BAZ1B: variants seen among roughly 807,000 people sequenced by gnomAD.
BAZ1B encodes tyrosine-protein kinase BAZ1B.
Under a neutral mutation model 153.8 loss-of-function variants are expected in BAZ1B, and 22 were observed. That is an observed-to-expected ratio of 0.14 (90% confidence interval 0.10 to 0.20). The LOEUF (loss-of-function observed/expected upper bound fraction) is 0.20. BAZ1B is among the 10% of genes least tolerant of loss of function. The pLI is 1.00. For missense variants in BAZ1B, 1,325 were observed against 1,799.3 expected (o/e 0.74, Z 4.77); for synonymous variants, 676 against 633.4 (o/e 1.07, Z -1.01).
At chr7:73,487,062 A>G (rs1554574577) in intron 6 of BAZ1B, among the ~76,000 whole-genome samples, 5 of 152,334 alleles carry the variant, frequency 3.3e-5, no homozygotes, top group South Asian at 4.1e-4. Flanking sequence ...AGTATTTTAC[A>G]TGAGTCTTAA....
At chr7:73,461,753 G>T (rs1488639416) in intron 12 of BAZ1B, among the ~76,000 whole-genome samples, 2 of 152,150 alleles carry the variant, frequency 1.3e-5, no homozygotes, top group Non-Finnish European at 2.9e-5. Context: ...ATGGCATGGG[G>T]GAATGCAAAT....
At chr7:73,518,291 T>C (rs1487737954) in intron 1 of BAZ1B, among the ~76,000 whole-genome samples, 2 of 150,234 alleles carry the variant, frequency 1.3e-5, no homozygotes, top group East Asian at 1.9e-4. Context: ...CGGGCGCCTG[T>C]AGTCCCAGCT....
chr7:73,447,706 A>C (rs553256867), intron 15 of BAZ1B, among the ~76,000 whole-genome samples: 5 of 152,318 alleles, frequency 3.3e-5, no homozygotes, highest in African/African-American at 1.2e-4. Flanking sequence ...TTTGTCTCAC[A>C]AAAAGAGCCA....
In BAZ1B at chr7:73,476,962, T is replaced by C; in HGVS notation, c.2499A>G (p.Thr833=). ...CAGCACTAATCATGTCTTCAGCTTC[T>C]GTATCTACTTGGGGCTCAAACTTCA... ...EIVKFEPQVD[T]EAEDMISAVK... The change falls in exon 7 of 20, where the codon ACA becomes ACG. Residue 833 remains threonine (T), a synonymous_variant. Coordinates refer to ENST00000339594, the MANE Select transcript of BAZ1B (RefSeq NM_032408.4). The C allele has an allele frequency of 2.5e-6, 4 of 1,614,242 alleles. No homozygotes were observed. The highest frequency in any genetic ancestry group is 3.4e-6 in the Non-Finnish European group (4 of 1,180,052).
rs71517390 is a variant in BAZ1B at position 73,516,772 on chromosome 7, CAAAAAAAAAAAAAAA to C, written c.107+5040_107+5054del. On this transcript the variant is annotated intron_variant, in intron 1 of 19. Transcript: ENST00000339594. ...CCTGGGCGACAGACTGTGACTGTCT[CAAAAAAAAAAAAAAA>C]AAAAAAAAAAAACAACTGTAAAAGA... is the stretch of plus-strand genomic sequence containing the variant. Among the ~76,000 whole-genome samples the C allele has an allele frequency of 1.9e-4, 10 of 53,468 alleles. 1 individual carries two copies. In the South Asian group the frequency reaches 7.8e-3, roughly 42 times the overall value. 35.1% of individuals were successfully genotyped at this position (53,468 alleles called of 152,430 possible). A position where few individuals can be genotyped will look rare whatever the true frequency, so the allele number is the denominator to read the frequency against.
intron 5 of BAZ1B, among the ~76,000 whole-genome samples, chr7:73,491,560 T>C (rs1451927450): frequency 7.9e-5 from 12 of 151,556 alleles, no homozygotes; most frequent in African/African-American, 1.9e-4. Flanking sequence ...GATTGCGCCA[T>C]TGCACTCCAG....
At chr7:73,495,594 A>AT (rs1789843707) in intron 4 of BAZ1B, among the ~76,000 whole-genome samples, 1 of 152,206 alleles carries the variant, frequency 6.6e-6, no homozygotes, top group South Asian at 2.1e-4. Flanking sequence ...AATGTAACAG[A>AT]TACAGCACTA....
At position 73,444,014 on chromosome 7, in the gene BAZ1B, T is replaced by A; in HGVS notation, c.3960A>T (p.Pro1320=). 1 of 1,613,758 alleles carries A rather than the reference T, an allele frequency of 6.2e-7. No homozygotes were observed. Residue 1320 remains proline, a synonymous_variant, in exon 17 of 20, where the codon CCA becomes CCT. Transcript: ENST00000339594. ...CATCCACCTCAGCATCATCCACAGG[T>A]GGTGCCTTGGGCTGAGACCTCCTGG... ...HSTRRSQPKA[P]PVDDAEVDEL...
At chr7:73,471,421 C>T (rs1788799383) in intron 7 of BAZ1B, among the ~76,000 whole-genome samples, 1 of 152,102 alleles carries the variant, frequency 6.6e-6, no homozygotes, top group African/African-American at 2.4e-5. Context: ...CAAAAGCAGC[C>T]CGCTAATTTT....
chr7:73,442,136 T>TACCAAACC, intron 19 of BAZ1B, 45 bp downstream of exon 19: 1 of 573,492 alleles, frequency 1.7e-6, no homozygotes, highest in Non-Finnish European at 3.2e-6. Context: ...CTCGCTCGCC[T>TACCAAACC]CCCTCCCACC....
chr7:73,471,915 A>T (rs1214574741), intron 7 of BAZ1B, among the ~76,000 whole-genome samples: 1 of 152,020 alleles, frequency 6.6e-6, no homozygotes, highest in African/African-American at 2.4e-5. Context: ...GCCCAATTAC[A>T]ATCAAGGAAA....
intron 19 of BAZ1B, 23 bp downstream of exon 19, chr7:73,442,142 CCACCCTCCCTAGCTGT>C: frequency 2.3e-6 from 1 of 438,376 alleles, no homozygotes; most frequent in Non-Finnish European, 4.5e-6. Flanking sequence ...CGCCTCCCTC[CCACCCTCCCTAGCTGT>C]CCCCCCACCT....
rs17145714 is a variant in BAZ1B at position 73,505,938 on chromosome 7, G to A, written c.369+2389C>T. ...CAATTTCGCTACATAACGGCTGAAA[G>A]CACTCATAACTAGTATGTATCAACC... On this transcript the variant is annotated intron_variant, in intron 3 of 19. Coordinates refer to ENST00000339594, the MANE Select transcript of BAZ1B (RefSeq NM_032408.4). 4.9e-4 allele frequency among the ~76,000 whole-genome samples: 75 copies of A among 152,310 alleles called. 2 individuals carry two copies. The East Asian group carries it at 0.014, about 29-fold the overall frequency.
intron 15 of BAZ1B, 76 bp downstream of exon 15, chr7:73,449,466 T>C (rs1243900767): frequency 4.1e-6 from 6 of 1,476,686 alleles, no homozygotes; most frequent in Non-Finnish European, 5.4e-6. Context: ...TTCATTCTGT[T>C]TGAATAACTC....
At chr7:73,451,283 G>C (rs1788019518) in intron 13 of BAZ1B, among the ~76,000 whole-genome samples, 1 of 152,160 alleles carries the variant, frequency 6.6e-6, no homozygotes, top group Non-Finnish European at 1.5e-5. Context: ...TGCTGTAAAT[G>C]CTATAATGCA....
chr7:73,477,833 C>T lies in BAZ1B; in HGVS notation c.1628G>A (p.Arg543Gln). 1 of 1,613,814 alleles carries T rather than the reference C, an allele frequency of 6.2e-7. No homozygotes were observed. The highest frequency in any genetic ancestry group is 8.5e-7 in the Non-Finnish European group (1 of 1,179,976). The change falls in exon 7 of 20, where the codon CGG becomes CAG. Residue 543 changes from arginine (R) to glutamine (Q), a missense_variant. Physicochemically the swap from Arg to Gln is conservative, Grantham distance 43 (BLOSUM62 1). Coordinates refer to ENST00000339594, the MANE Select transcript of BAZ1B (RefSeq NM_032408.4). This position sits in a 1 kb window ranked among gnomAD's most constrained non-coding sequence, Gnocchi z 5.6. ...CCGTTTCTTTTTCAAATATTCTTTCCGTTGTTCTTCAGACATAGAAGCCCA... is the reference window on the plus strand; with the variant it reads ...CCGTTTCTTTTTCAAATATTCTTTCTGTTGTTCTTCAGACATAGAAGCCCA... Reference protein sequence around the residue: ...KRWASMSEEQRKEYLKKKREE... With the variant: ...KRWASMSEEQQKEYLKKKREE...
chr7:73,492,806 T>G lies in BAZ1B; in HGVS notation c.687A>C (p.Glu229Asp). ...PHKYDVKLQN[E>D]DKIISNVPAD... ...AAGTAAAGTGTCAACTAACCTTATC[T>G]TCATTTTGTAGTTTCACATCATATT... The change falls in exon 5 of 20, where the codon GAA (glutamate) becomes GAC (aspartate). Residue 229 changes from glutamate (E) to aspartate (D), a missense_variant. Coordinates refer to ENST00000339594, the MANE Select transcript of BAZ1B (RefSeq NM_032408.4). 6.2e-7 allele frequency: 1 copy of G among 1,603,330 alleles called. No individual in the cohort carries two copies. Among genetic ancestry groups the G allele is most frequent in the Non-Finnish European group, 8.5e-7 (1 of 1,176,618 alleles).
At chr7:73,508,573 C>G (rs1482507689) in intron 2 of BAZ1B, 102 bp from the exon 3 acceptor site, 1 of 1,335,366 alleles carries the variant, frequency 7.5e-7, no homozygotes, top group Non-Finnish European at 1.0e-6. Flanking sequence ...CCAAACATTT[C>G]AAACATTTAT....
chr7:73,445,091 C>CTCA (rs1490903000), intron 16 of BAZ1B, among the ~76,000 whole-genome samples: 3 of 152,100 alleles, frequency 2.0e-5, no homozygotes, highest in African/African-American at 7.2e-5. Flanking sequence ...ACAACAGGTG[C>CTCA]TCACCATCAA....
Sources: gnomAD v4.1 joint callset for allele counts (sites outside exome capture counted in the v4.1 genomes callset) on GRCh38, gnomAD v4.1.1 for gene constraint, Gnocchi (gnomAD v3.1) non-coding constraint, MANE v1.5 for transcripts, NCBI Gene and HGNC (gene_info 2026-07-23, HGNC 2026-07-21) for gene names.